The following FGD6 variants were observed in gnomAD, a reference collection of about 807,000 sequenced individuals.
FGD6 encodes FYVE, RhoGEF and PH domain containing 6.
A neutral mutation model predicts 149.4 loss-of-function variants in FGD6; 90 were observed. The observed-to-expected ratio is 0.60, with a 90% CI of 0.51 to 0.72. The LOEUF (loss-of-function observed/expected upper bound fraction) is 0.72, where lower values mean the gene tolerates loss of function less well. FGD6 is among the 30% of genes least tolerant of loss of function. FGD6 has a pLI of 0.00. For synonymous variants in FGD6, 527 were observed against 584.0 expected (o/e 0.90, Z 1.41); for missense variants, 1,437 against 1,684.8 (o/e 0.85, Z 2.57).
At chr12:95,159,664 T>C (rs1880580653) in intron 3 of FGD6, among the ~76,000 whole-genome samples, 1 of 152,038 alleles carries the variant, frequency 6.6e-6, no homozygotes, top group Non-Finnish European at 1.5e-5. Flanking sequence ...TAAAACCCTC[T>C]CTCTACAGAC....
At chr12:95,180,600 G>A (rs1018313468) in intron 2 of FGD6, among the ~76,000 whole-genome samples, 21 of 152,060 alleles carry the variant, frequency 1.4e-4, no homozygotes, top group African/African-American at 3.9e-4. Context: ...GTTTTGCCAT[G>A]TTGCCAAGGA....
intron 2 of FGD6, among the ~76,000 whole-genome samples, chr12:95,197,879 G>A (rs60955350): frequency 0.093 from 14,127 of 152,090 alleles, 865 homozygotes; most frequent in African/African-American, 0.17. Context: ...ACCACCTACC[G>A]GACTAAATGC....
chr12:95,184,694 G>A lies in FGD6; in HGVS notation c.2442-11950C>T, dbSNP rs537204904. 2.6e-5 allele frequency among the ~76,000 whole-genome samples: 4 copies of A among 151,504 alleles called. No homozygotes were observed. In the South Asian group the frequency reaches 6.3e-4, roughly 24 times the overall value. ...CCTCCCAGGTTCAAGCGATTCTCGCGCCTCAGCCTCCTGAGTAGCTGGGAT... is the reference window on the plus strand; with the variant it reads ...CCTCCCAGGTTCAAGCGATTCTCGCACCTCAGCCTCCTGAGTAGCTGGGAT... On this transcript the variant is annotated intron_variant, in intron 2 of 20. Transcript: ENST00000343958.
At chr12:95,130,156 G>A (rs986530297) in intron 8 of FGD6, among the ~76,000 whole-genome samples, 3 of 150,288 alleles carry the variant, frequency 2.0e-5, no homozygotes, top group Non-Finnish European at 3.0e-5. Flanking sequence ...GAAACCCAAA[G>A]TAAGTCCAGA....
chr12:95,152,190 G>A (rs757964520), intron 5 of FGD6, among the ~76,000 whole-genome samples: 3 of 152,072 alleles, frequency 2.0e-5, no homozygotes. Context: ...GCTGGGCATG[G>A]TGGTGAGTGC....
intron 9 of FGD6, among the ~76,000 whole-genome samples, chr12:95,113,424 A>G (rs531889109): frequency 1.3e-5 from 2 of 151,616 alleles, no homozygotes; most frequent in African/African-American, 4.8e-5. Flanking sequence ...TTAGTAGAGA[A>G]GGGGTTTCAC....
At chr12:95,193,054 A>G (rs1232895146) in intron 2 of FGD6, among the ~76,000 whole-genome samples, 1 of 152,186 alleles carries the variant, frequency 6.6e-6, no homozygotes, top group Non-Finnish European at 1.5e-5. Flanking sequence ...CGCTGGTAGG[A>G]AAGCAAAATG....
At chr12:95,182,047 G>A (rs1881297284) in intron 2 of FGD6, among the ~76,000 whole-genome samples, 1 of 151,750 alleles carries the variant, frequency 6.6e-6, no homozygotes, top group Non-Finnish European at 1.5e-5. Flanking sequence ...CAAAGTTAGA[G>A]TTGACTTAGT....
chr12:95,132,331 A>G (rs1248445780), intron 8 of FGD6, among the ~76,000 whole-genome samples: 3 of 152,226 alleles, frequency 2.0e-5, no homozygotes, highest in Admixed American at 1.3e-4. Context: ...TATTTTAGTA[A>G]AGAGAGTTTT....
intron 2 of FGD6, among the ~76,000 whole-genome samples, chr12:95,198,731 C>G (rs190072915): frequency 1.3e-5 from 2 of 152,150 alleles, no homozygotes; most frequent in Admixed American, 1.3e-4. Context: ...CCACTGTGCC[C>G]GTCCACGATT....
intron 14 of FGD6, chr12:95,100,727 C>G: frequency 1.9e-6 from 1 of 523,964 alleles, no homozygotes; most frequent in Admixed American, 2.0e-5. Flanking sequence ...ACAGACAGTG[C>G]TGAGGACCAT....
chr12:95,105,009 G>T lies in FGD6; in HGVS notation c.3495C>A (p.Ala1165=). 6.3e-7 allele frequency: 1 copy of T among 1,583,090 alleles called. No individual in the cohort carries two copies. ...AAAAAGAAGAAGAAAAAATTTACCT[G>T]GCTGAGAGAATGAAGGAACGTTCTA... ...ESVERSFILS[A]SSATERDEWL... is the part of the protein sequence containing the mutation. The change falls in exon 14 of 21, where the codon GCC becomes GCA. Residue 1165 remains alanine, a splice_region_variant and synonymous_variant. Coordinates refer to ENST00000343958, the MANE Select transcript of FGD6 (RefSeq NM_018351.4).
chr12:95,123,985 C>T (rs893547604), intron 8 of FGD6, among the ~76,000 whole-genome samples: 4 of 151,522 alleles, frequency 2.6e-5, no homozygotes, highest in African/African-American at 9.7e-5. Flanking sequence ...CTCACTGCAG[C>T]CTCCACCAAC....
chr12:95,135,553 C>A (rs71458580), intron 7 of FGD6, among the ~76,000 whole-genome samples: 6 of 152,196 alleles, frequency 3.9e-5, no homozygotes, highest in Non-Finnish European at 5.9e-5. Context: ...CGGCCCATTC[C>A]TGAGCCTCAC....
chr12:95,194,649 T>G, intron 2 of FGD6, among the ~76,000 whole-genome samples: 1 of 151,990 alleles, frequency 6.6e-6, no homozygotes, highest in Non-Finnish European at 1.5e-5. Context: ...AGAGGGGTCT[T>G]GGTGGTGATG....
chr12:95,196,044 C>T (rs908286549), intron 2 of FGD6, among the ~76,000 whole-genome samples: 7 of 151,988 alleles, frequency 4.6e-5, no homozygotes, highest in Non-Finnish European at 5.9e-5. Context: ...CGCTTGAAAC[C>T]GGGAGGCGGA....
intron 18 of FGD6, among the ~76,000 whole-genome samples, chr12:95,086,525 ATT>A (rs144016507): frequency 1.6e-5 from 2 of 125,102 alleles, no homozygotes; most frequent in African/African-American, 6.0e-5. Context: ...TTACTGATTG[ATT>A]TTTTTTTTCT....
At chr12:95,144,833 C>T (rs573572759) in intron 5 of FGD6, among the ~76,000 whole-genome samples, 1 of 151,264 alleles carries the variant, frequency 6.6e-6, no homozygotes, top group Non-Finnish European at 1.5e-5. Flanking sequence ...GGATTACAGG[C>T]GCTTGCCACC....
At chr12:95,113,792 T>A in intron 8 of FGD6, 91 bp from the exon 9 acceptor site, 1 of 781,598 alleles carries the variant, frequency 1.3e-6, no homozygotes, top group Non-Finnish European at 2.1e-6. Context: ...TTAGTCTTGC[T>A]GGTTAATATA....
Sources: gnomAD v4.1 joint callset for allele counts (sites outside exome capture counted in the v4.1 genomes callset) on GRCh38, gnomAD v4.1.1 for gene constraint, MANE v1.5 for transcripts, NCBI Gene and HGNC (gene_info 2026-07-23, HGNC 2026-07-21) for gene names.